The following ADAMTSL1 variants were observed in gnomAD, a reference collection of about 807,000 sequenced individuals.
ADAMTSL1 encodes ADAMTS like 1.
In ADAMTSL1, 126 loss-of-function variants were observed where a neutral mutation model predicts 201.8. The ratio of observed to expected loss-of-function variants is 0.62; its 90% CI spans 0.54 to 0.72. ADAMTSL1 has a LOEUF of 0.72. Ranked by LOEUF, ADAMTSL1 falls within the 30% of genes least tolerant of loss-of-function variation. ADAMTSL1 has a pLI of 0.00. For missense variants in ADAMTSL1, 2,679 were observed against 2,277.8 expected (o/e 1.18, Z -3.59); for synonymous variants, 1,121 against 903.4 (o/e 1.24, Z -4.32).
chr9:18,530,688 T>A (rs994223233), intron 2 of ADAMTSL1, among the ~76,000 whole-genome samples: 6 of 152,230 alleles, frequency 3.9e-5, no homozygotes, highest in East Asian at 1.9e-4. Context: ...TTAATTAATT[T>A]ATCTAACATC....
At chr9:18,028,516 C>G (rs570260318) in intron 1 of ADAMTSL1, among the ~76,000 whole-genome samples, 92 of 152,138 alleles carry the variant, frequency 6.0e-4, no homozygotes, top group Non-Finnish European at 2.9e-5. Flanking sequence ...TCTTCTCTGA[C>G]CCTTTTCTCT....
intron 1 of ADAMTSL1, among the ~76,000 whole-genome samples, chr9:18,020,880 A>T (rs921843499): frequency 6.6e-6 from 1 of 152,122 alleles, no homozygotes; most frequent in African/African-American, 2.4e-5. Context: ...TTACACTGTT[A>T]TGTTTAAAAG....
chr9:18,090,464 A>G (rs1823962252), intron 1 of ADAMTSL1, among the ~76,000 whole-genome samples: 1 of 152,216 alleles, frequency 6.6e-6, no homozygotes, highest in Admixed American at 6.5e-5. Flanking sequence ...AACCTTGAAG[A>G]CATTATGCTA....
At chr9:17,990,665 A>G (rs536526491) in intron 1 of ADAMTSL1, among the ~76,000 whole-genome samples, 1 of 152,222 alleles carries the variant, frequency 6.6e-6, no homozygotes, top group East Asian at 1.9e-4. Flanking sequence ...AGTAAAAAGA[A>G]CTCAGAAAGC....
intron 1 of ADAMTSL1, among the ~76,000 whole-genome samples, chr9:18,128,716 A>G (rs1825834951): frequency 6.6e-6 from 1 of 152,168 alleles, no homozygotes. Context: ...AACAGAAATT[A>G]AGGATCTCTC....
chr9:18,810,538 A>G (rs539526304), intron 20 of ADAMTSL1, among the ~76,000 whole-genome samples: 1 of 152,346 alleles, frequency 6.6e-6, no homozygotes, highest in East Asian at 1.9e-4. Flanking sequence ...GAAAGCAGAG[A>G]AGAGTGAATA....
chr9:18,838,975 C>A (rs1452763689), intron 23 of ADAMTSL1, among the ~76,000 whole-genome samples: 2 of 150,050 alleles, frequency 1.3e-5, no homozygotes, highest in African/African-American at 2.4e-5. Flanking sequence ...GTTCAAGTAT[C>A]TTTCAGCATA....
intron 21 of ADAMTSL1, 121 bp downstream of exon 21, chr9:18,817,358 G>C: frequency 1.0e-6 from 1 of 993,238 alleles, no homozygotes; most frequent in South Asian, 1.9e-5. Context: ...GAAAGCCAAA[G>C]CATGAACCTC....
At chr9:18,080,350 A>T (rs981682011) in intron 1 of ADAMTSL1, among the ~76,000 whole-genome samples, 8 of 152,168 alleles carry the variant, frequency 5.3e-5, no homozygotes, top group Admixed American at 2.0e-4. Flanking sequence ...ATGGTACAGA[A>T]GTGGAAAGGG....
At chr9:18,428,918 T>G (rs955395524) in intron 2 of ADAMTSL1, among the ~76,000 whole-genome samples, 2 of 152,326 alleles carry the variant, frequency 1.3e-5, no homozygotes, top group African/African-American at 4.8e-5. Context: ...TTGCTGCTCC[T>G]CACTGAAATT....
At chr9:18,875,408 T>C (rs969287127) in intron 23 of ADAMTSL1, among the ~76,000 whole-genome samples, 5 of 152,168 alleles carry the variant, frequency 3.3e-5, no homozygotes, top group Non-Finnish European at 5.9e-5. Flanking sequence ...ACTTTCCTCT[T>C]AGCACCACCT....
intron 23 of ADAMTSL1, among the ~76,000 whole-genome samples, chr9:18,832,490 A>G (rs1825050609): frequency 6.6e-6 from 1 of 152,240 alleles, no homozygotes; most frequent in African/African-American, 2.4e-5. Context: ...ACATACTAAA[A>G]GTAATGTATG....
intron 2 of ADAMTSL1, among the ~76,000 whole-genome samples, chr9:18,298,670 A>AG (rs1344608488): frequency 3.6e-5 from 5 of 139,102 alleles, no homozygotes; most frequent in Admixed American, 6.8e-5. Flanking sequence ...TCATTTAACA[A>AG]GTTAAAAAAA....
intron 1 of ADAMTSL1, among the ~76,000 whole-genome samples, chr9:17,934,665 C>G (rs1826930963): frequency 6.6e-6 from 1 of 152,100 alleles, no homozygotes; most frequent in African/African-American, 2.4e-5. Context: ...TTCCCTATCC[C>G]TCATAGCTTC....
intron 1 of ADAMTSL1, among the ~76,000 whole-genome samples, chr9:17,914,808 A>G (rs1318572178): frequency 6.6e-6 from 1 of 151,180 alleles, no homozygotes; most frequent in African/African-American, 2.5e-5. Flanking sequence ...TAAGCTGATA[A>G]GCAACTTCAG....
intron 2 of ADAMTSL1, among the ~76,000 whole-genome samples, chr9:18,362,627 G>A (rs568565453): frequency 6.6e-6 from 1 of 152,308 alleles, no homozygotes; most frequent in South Asian, 2.1e-4. Context: ...AGATCGGACC[G>A]TGAAGCACCA....
intron 1 of ADAMTSL1, among the ~76,000 whole-genome samples, chr9:18,067,345 C>A (rs1197155054): frequency 6.6e-6 from 1 of 152,010 alleles, no homozygotes; most frequent in East Asian, 1.9e-4. Flanking sequence ...TGGAACAATA[C>A]CTGGCATGCA....
chr9:18,057,029 T>C (rs1399125719), intron 1 of ADAMTSL1, among the ~76,000 whole-genome samples: 2 of 152,182 alleles, frequency 1.3e-5, no homozygotes, highest in African/African-American at 4.8e-5. Context: ...CCCTGCAAAA[T>C]AGCTTTAAGG....
intron 1 of ADAMTSL1, among the ~76,000 whole-genome samples, chr9:18,008,721 A>C (rs1486090578): frequency 6.6e-6 from 1 of 152,036 alleles, no homozygotes; most frequent in South Asian, 2.1e-4. Flanking sequence ...CTGGCCTAGA[A>C]GTGACACTTG....
Sources: allele counts gnomAD v4.1 joint callset (sites outside exome capture counted in the v4.1 genomes callset), GRCh38; gene constraint gnomAD v4.1.1; transcripts MANE v1.5; gene names NCBI Gene and HGNC (gene_info 2026-07-23, HGNC 2026-07-21).